Variants in NELL1 observed in about 807,000 individuals in gnomAD.
NELL1 encodes the protein protein kinase C-binding protein NELL1.
In NELL1, 76 loss-of-function variants were observed where a neutral mutation model predicts 107.4. The observed-to-expected ratio is 0.71, with a 90% CI of 0.59 to 0.86. The LOEUF is 0.86. NELL1 is among the 40% of genes least tolerant of loss of function. NELL1 has a pLI of 0.00. For synonymous variants in NELL1, 353 were observed against 341.2 expected (o/e 1.03, Z -0.38); for missense variants, 1,024 against 1,005.5 (o/e 1.02, Z -0.25).
At chr11:21,391,736 G>A (rs1026813517) in intron 15 of NELL1, among the ~76,000 whole-genome samples, 3 of 151,684 alleles carry the variant, frequency 2.0e-5, no homozygotes, top group African/African-American at 4.8e-5. Flanking sequence ...CCGGGCTCAC[G>A]TGATCTTCTC....
intron 15 of NELL1, among the ~76,000 whole-genome samples, chr11:21,455,320 C>CTTTTTTTTTTTTTTTTTTTTT (rs34607165): frequency 3.9e-5 from 3 of 77,212 alleles, no homozygotes; most frequent in Non-Finnish European, 7.0e-5. Context: ...TTCTTTTATT[C>CTTTTTTTTTTTTTTTTTTTTT]TTTTTTTTTT....
intron 9 of NELL1, among the ~76,000 whole-genome samples, chr11:20,932,423 G>A (rs1850637149): frequency 6.6e-6 from 1 of 152,206 alleles, no homozygotes; most frequent in South Asian, 2.1e-4. Context: ...ATTTATGTAG[G>A]TGAGAGGTTG....
intron 5 of NELL1, among the ~76,000 whole-genome samples, chr11:20,890,642 A>G (rs971449780): frequency 1.3e-5 from 2 of 152,126 alleles, no homozygotes; most frequent in African/African-American, 4.8e-5. Context: ...GCTAACCAGA[A>G]TAACCAGCTT....
intron 14 of NELL1, among the ~76,000 whole-genome samples, chr11:21,263,933 T>C (rs141216409): frequency 2.0e-5 from 3 of 152,108 alleles, no homozygotes; most frequent in Non-Finnish European, 2.9e-5. Context: ...TATATAACTT[T>C]AATGAAATTT....
intron 2 of NELL1, among the ~76,000 whole-genome samples, chr11:20,723,395 C>A (rs1793012): frequency 0.83 from 126,691 of 151,888 alleles, 53,192 homozygotes; most frequent in East Asian, 0.95. Flanking sequence ...AAATGGGAGA[C>A]ATTGGCCAAA....
intron 15 of NELL1, among the ~76,000 whole-genome samples, chr11:21,516,264 G>A (rs1202397824): frequency 6.6e-6 from 1 of 152,130 alleles, no homozygotes; most frequent in Non-Finnish European, 1.5e-5. Context: ...CTAAAACATA[G>A]TATCTGAGTA....
intron 15 of NELL1, among the ~76,000 whole-genome samples, chr11:21,512,103 T>A (rs371303466): frequency 1.3e-5 from 2 of 152,178 alleles, no homozygotes; most frequent in East Asian, 1.9e-4. Flanking sequence ...CTGTCTTAGC[T>A]GGAACATGGC....
At chr11:21,130,319 G>A (rs1054692200) in intron 13 of NELL1, among the ~76,000 whole-genome samples, 4 of 152,102 alleles carry the variant, frequency 2.6e-5, no homozygotes, top group Admixed American at 6.5e-5. Context: ...GTCTTCCTAA[G>A]AGATGAGGAC....
intron 13 of NELL1, among the ~76,000 whole-genome samples, chr11:21,133,059 C>T (rs1029549809): frequency 6.6e-6 from 1 of 152,000 alleles, no homozygotes; most frequent in Non-Finnish European, 1.5e-5. Context: ...GGGTCTTAGA[C>T]GGAAGTGAGG....
rs1473582687 is a variant in NELL1 at position 20,783,638 on chromosome 11, TCTC to T, written c.185-38_185-36del. On this transcript the variant is annotated intron_variant, in intron 2 of 19. Coordinates refer to ENST00000357134, the MANE Select transcript of NELL1 (RefSeq NM_006157.5). ...CTTCTCTACTCCTTCTCCTTCCTCT[TCTC>T]CTCTCCTGTTTCCTCCTGCTTTTCT... 3.3e-6 allele frequency: 5 copies of T among 1,499,380 alleles called. No individual in the cohort carries two copies. In the South Asian group the frequency reaches 4.8e-5, roughly 14 times the overall value. 92.9% of individuals were successfully genotyped at this position (1,499,380 alleles called of 1,614,324 possible).
chr11:20,982,107 G>C (rs2134245260), intron 12 of NELL1, among the ~76,000 whole-genome samples: 1 of 152,238 alleles, frequency 6.6e-6, no homozygotes, highest in Non-Finnish European at 1.5e-5. Flanking sequence ...AAGTGTCAGA[G>C]AATTGATGAG....
chr11:21,476,784 T>C (rs190206451), intron 15 of NELL1, among the ~76,000 whole-genome samples: 34 of 152,172 alleles, frequency 2.2e-4, no homozygotes, highest in Admixed American at 1.3e-3. Flanking sequence ...AGAATTTGAA[T>C]GTACTTAGGG....
chr11:21,374,602 C>T (rs868821469), intron 15 of NELL1, among the ~76,000 whole-genome samples: 7 of 151,934 alleles, frequency 4.6e-5, no homozygotes, highest in African/African-American at 1.7e-4. Context: ...TGAGGCACCA[C>T]CTCTTAAAAA....
At position 21,436,046 on chromosome 11, in the gene NELL1, TTC is replaced by T. The variant is rs1332913086; in HGVS notation, c.1645+65100_1645+65101del. On this transcript the variant is annotated intron_variant, in intron 15 of 19. Coordinates refer to ENST00000357134, the MANE Select transcript of NELL1 (RefSeq NM_006157.5). ...TTATTGGTAAGTTCAGATTTTTTCT[TTC>T]TTTCTTTCTTATGTATTTATTTATT... Among the ~76,000 whole-genome samples, 4 of 152,078 alleles carry T rather than the reference TTC, an allele frequency of 2.6e-5. No individual in the cohort carries two copies. In the East Asian group the frequency reaches 7.7e-4, roughly 29 times the overall value.
intron 13 of NELL1, among the ~76,000 whole-genome samples, chr11:21,211,186 CA>C (rs1301886053): frequency 6.6e-6 from 1 of 152,018 alleles, no homozygotes; most frequent in East Asian, 1.9e-4. Flanking sequence ...AAGAATGTTA[CA>C]GGGGAAATTG....
intron 12 of NELL1, among the ~76,000 whole-genome samples, chr11:21,045,029 C>T (rs1448908473): frequency 3.3e-5 from 5 of 151,972 alleles, no homozygotes; most frequent in African/African-American, 7.3e-5. Context: ...GCAAGTACAT[C>T]GGAAAACAGA....
chr11:20,750,645 G>A (rs146686322), intron 2 of NELL1, among the ~76,000 whole-genome samples: 494 of 152,006 alleles, frequency 3.2e-3, no homozygotes, highest in Middle Eastern at 0.017. Context: ...TGGCTGCAAT[G>A]GCAAGATCAT....
intron 12 of NELL1, among the ~76,000 whole-genome samples, chr11:20,991,532 T>A (rs1851971065): frequency 6.6e-6 from 1 of 152,154 alleles, no homozygotes; most frequent in East Asian, 1.9e-4. Flanking sequence ...TGGGCTAGAA[T>A]TAAAATCCAG....
At chr11:21,245,495 C>T (rs1394096240) in intron 14 of NELL1, among the ~76,000 whole-genome samples, 1 of 152,102 alleles carries the variant, frequency 6.6e-6, no homozygotes, top group East Asian at 1.9e-4. Flanking sequence ...TTTTCCTTGT[C>T]GTTCAAAATG....
Sources: allele counts gnomAD v4.1 joint callset (sites outside exome capture counted in the v4.1 genomes callset), GRCh38; gene constraint gnomAD v4.1.1; transcripts MANE v1.5; gene names NCBI Gene and HGNC (gene_info 2026-07-23, HGNC 2026-07-21).